FBXL7: variants seen among roughly 807,000 people sequenced by gnomAD.
The protein encoded by FBXL7 is F-box/LRR-repeat protein 7.
In FBXL7, 12 loss-of-function variants were observed where a neutral mutation model predicts 38.3. That is an observed-to-expected ratio of 0.31 (90% CI 0.20 to 0.51). The LOEUF is 0.51. Ranked by LOEUF, FBXL7 falls within the 20% of genes least tolerant of loss-of-function variation. FBXL7 has a pLI of 0.98. For missense variants in FBXL7, 567 were observed against 676.4 expected (o/e 0.84, Z 1.79); for synonymous variants, 297 against 300.9 (o/e 0.99, Z 0.13).
chr5:15,512,213 T>C (rs1281882181), intron 1 of FBXL7, among the ~76,000 whole-genome samples: 16 of 152,178 alleles, frequency 1.1e-4, no homozygotes, highest in Admixed American at 1.0e-3. Context: ...TTAGGATGAG[T>C]TGATATCAGA....
intron 2 of FBXL7, among the ~76,000 whole-genome samples, chr5:15,844,681 T>C (rs1300634759): frequency 6.6e-6 from 1 of 152,058 alleles, no homozygotes; most frequent in East Asian, 1.9e-4. Flanking sequence ...AAGAGGAGGA[T>C]ACAGGTGGGA....
chr5:15,507,514 A>G (rs1474709020), intron 1 of FBXL7, among the ~76,000 whole-genome samples: 1 of 152,206 alleles, frequency 6.6e-6, no homozygotes, highest in East Asian at 1.9e-4. Flanking sequence ...TCCTAAGGCC[A>G]TATCCACTGG....
chr5:15,605,376 A>C (rs1049388273), intron 1 of FBXL7, among the ~76,000 whole-genome samples: 14 of 152,220 alleles, frequency 9.2e-5, no homozygotes, highest in Non-Finnish European at 1.5e-4. Context: ...TATGGTATAC[A>C]CACAGAGTAG....
chr5:15,748,547 G>A (rs1381517151), intron 2 of FBXL7, among the ~76,000 whole-genome samples: 2 of 152,132 alleles, frequency 1.3e-5, no homozygotes, highest in East Asian at 3.9e-4. Context: ...CTGACACCAT[G>A]TGTTTGCTTC....
In FBXL7 at chr5:15,620,067, G is replaced by A. The variant is rs1180206275; in HGVS notation, c.127+3995G>A. ...AATGGACAGGAAGAATGTTACTGGG[G>A]AGATGACAATGTTCTGAAATTGGAT... is the stretch of plus-strand genomic sequence containing the variant. On this transcript the variant is annotated intron_variant, in intron 2 of 3. Transcript: ENST00000504595. Among the ~76,000 whole-genome samples the A allele has an allele frequency of 2.6e-5, 4 of 152,238 alleles. No homozygotes were observed. In the South Asian group the frequency reaches 8.3e-4, roughly 32 times the overall value.
intron 2 of FBXL7, among the ~76,000 whole-genome samples, chr5:15,727,496 G>GT (rs1298823580): frequency 6.6e-6 from 1 of 152,076 alleles, no homozygotes; most frequent in Non-Finnish European, 1.5e-5. Flanking sequence ...GGTTGGCAAG[G>GT]TTTTTTTGTT....
intron 2 of FBXL7, among the ~76,000 whole-genome samples, chr5:15,798,421 C>G (rs1737472191): frequency 6.6e-6 from 1 of 152,180 alleles, no homozygotes; most frequent in African/African-American, 2.4e-5. Context: ...TCTGATAGTT[C>G]TTCCACATCG....
intron 2 of FBXL7, among the ~76,000 whole-genome samples, chr5:15,745,374 CTG>C (rs1271573721): frequency 6.6e-6 from 1 of 152,170 alleles, no homozygotes; most frequent in African/African-American, 2.4e-5. Context: ...GATCTCTTCT[CTG>C]TTAGGCATTC....
chr5:15,529,547 G>A (rs1049219398), intron 1 of FBXL7, among the ~76,000 whole-genome samples: 19 of 151,888 alleles, frequency 1.3e-4, no homozygotes, highest in Admixed American at 6.6e-5. Flanking sequence ...CACCATGCCC[G>A]GCTAATTTTT....
rs965258216 is a variant in FBXL7 at position 15,713,384 on chromosome 5, A to G, written c.127+97312A>G. On this transcript the variant is annotated intron_variant, in intron 2 of 3. Coordinates refer to ENST00000504595, the MANE Select transcript of FBXL7 (RefSeq NM_012304.5). ...GGAATTATGGGAGCTACAATTCAAGATGAGATTTGGGTGGGGACACAGCCA... is the reference window on the plus strand; with the variant it reads ...GGAATTATGGGAGCTACAATTCAAGGTGAGATTTGGGTGGGGACACAGCCA... 2.0e-5 allele frequency among the ~76,000 whole-genome samples: 3 copies of G among 152,134 alleles called. No homozygotes were observed. The East Asian group carries it at 5.8e-4, about 29-fold the overall frequency.
In FBXL7 at chr5:15,566,291, C is replaced by T. The variant is rs563772747; in HGVS notation, c.38-49692C>T. Among the ~76,000 whole-genome samples the T allele has an allele frequency of 5.3e-5, 8 of 152,232 alleles. No individual in the cohort carries two copies. The South Asian group carries it at 8.3e-4, about 16-fold the overall frequency. On this transcript the variant is annotated intron_variant, in intron 1 of 3. Coordinates refer to ENST00000504595, the MANE Select transcript of FBXL7 (RefSeq NM_012304.5). The stretch of plus-strand genomic sequence containing the variant: ...AGTGGGCTTTCCCCGGCCTGTGCTC[C>T]GCTGCCTTTTTTATTGGAGCTTAAG...
intron 2 of FBXL7, among the ~76,000 whole-genome samples, chr5:15,661,428 T>C (rs1438426592): frequency 6.6e-6 from 1 of 152,194 alleles, no homozygotes; most frequent in Non-Finnish European, 1.5e-5. Context: ...AACTTCTGTG[T>C]AATATTGACT....
At chr5:15,560,376 A>G (rs921120812) in intron 1 of FBXL7, among the ~76,000 whole-genome samples, 1 of 152,238 alleles carries the variant, frequency 6.6e-6, no homozygotes, top group African/African-American at 2.4e-5. Flanking sequence ...TAAAAAATAC[A>G]TAAATCAAGT....
chr5:15,620,470 G>A (rs1043396338), intron 2 of FBXL7, among the ~76,000 whole-genome samples: 2 of 147,776 alleles, frequency 1.4e-5, no homozygotes, highest in Non-Finnish European at 1.5e-5. Flanking sequence ...AGCTGCTCTC[G>A]AACTCCTGAC....
At chr5:15,666,261 AT>A (rs1435103057) in intron 2 of FBXL7, among the ~76,000 whole-genome samples, 2 of 152,120 alleles carry the variant, frequency 1.3e-5, no homozygotes, top group Non-Finnish European at 2.9e-5. Flanking sequence ...TGTTTATTAT[AT>A]TTTTATTATG....
chr5:15,928,258 G>A lies in FBXL7; in HGVS notation c.496G>A (p.Val166Met), dbSNP rs1279576968. The change falls in exon 3 of 4, where the codon GTG (valine) becomes ATG (methionine). Residue 166 changes from valine to methionine, a missense_variant. Transcript: ENST00000504595. This position sits in a 1 kb window ranked among gnomAD's most constrained non-coding sequence, Gnocchi z 4.0. The stretch of plus-strand genomic sequence containing the variant: ...CCGCCTGACGGGCGAGACCATCAAC[G>A]TGGACCGCGCCCTCAAGGTGCTGAC... ...TIRLTGETIN[V>M]DRALKVLTRR... 2 of 1,612,070 alleles carry A rather than the reference G, an allele frequency of 1.2e-6. No individual in the cohort carries two copies. The highest frequency in any genetic ancestry group is 2.7e-5 in the African/African-American group (2 of 74,896).
chr5:15,524,646 C>T (rs1737200690), intron 1 of FBXL7, among the ~76,000 whole-genome samples: 1 of 152,140 alleles, frequency 6.6e-6, no homozygotes, highest in South Asian at 2.1e-4. Context: ...CATGCTGTTA[C>T]ATTAATTGCT....
intron 2 of FBXL7, among the ~76,000 whole-genome samples, chr5:15,733,285 G>A (rs1015833042): frequency 6.6e-6 from 1 of 152,042 alleles, no homozygotes; most frequent in Non-Finnish European, 1.5e-5. Flanking sequence ...TAGAGACGGG[G>A]TTTCACCACC....
intron 1 of FBXL7, among the ~76,000 whole-genome samples, chr5:15,609,704 C>G (rs189540230): frequency 6.6e-6 from 1 of 152,144 alleles, no homozygotes; most frequent in Admixed American, 6.5e-5. Flanking sequence ...CAGGTGACTC[C>G]AGAAGCTGCA....
Sources: allele counts gnomAD v4.1 joint callset (sites outside exome capture counted in the v4.1 genomes callset), GRCh38; gene constraint gnomAD v4.1.1; non-coding constraint Gnocchi (gnomAD v3.1); transcripts MANE v1.5; gene names NCBI Gene and HGNC (gene_info 2026-07-23, HGNC 2026-07-21).